The following DMXL1 variants were observed in gnomAD, a reference collection of about 807,000 sequenced individuals.
DMXL1 encodes dmX-like protein 1.
A neutral mutation model predicts 319.2 loss-of-function variants in DMXL1; 99 were observed. The ratio of observed to expected loss-of-function variants is 0.31; its 90% CI spans 0.26 to 0.37. DMXL1 has a LOEUF of 0.37. Among genes scored for constraint, DMXL1 ranks in the 10% least tolerant of loss-of-function variants. The probability of loss-of-function intolerance (pLI) is 1.00; values close to 1 mark genes in which losing one functional copy is unlikely to be tolerated. For missense variants in DMXL1, 3,745 were observed against 3,595.6 expected, an observed-to-expected ratio of 1.04 and a Z score of -1.06; for synonymous variants, 1,385 against 1,235.2, an observed-to-expected ratio of 1.12 and a Z score of -2.54.
In DMXL1 at chr5:119,129,329, AG is replaced by A; in HGVS notation, c.1222del (p.Val408PhefsTer19). The A allele has an allele frequency of 6.2e-7, 1 of 1,613,834 alleles. No individual in the cohort carries two copies. The highest frequency in any genetic ancestry group is 1.3e-5 in the African/African-American group (1 of 75,008). ...AACTGCATTTTACTTTGTCCATGGA[AG>A]TTTTTTTACAGCAACTTAGAAAAAG... ...KELHFTLSME[V>X]FLQQLRKSFE... On this transcript the variant is annotated frameshift_variant, in exon 10 of 44. Transcript: ENST00000539542. LOFTEE classifies it high-confidence loss of function.
chr5:119,097,866 G>C, intron 1 of DMXL1, 113 bp from the exon 2 acceptor site: 2 of 968,964 alleles, frequency 2.1e-6, no homozygotes, highest in Non-Finnish European at 2.9e-6. Flanking sequence ...CCTAAAATTG[G>C]TCTTTTAAAA....
chr5:119,156,914 T>G (rs958975730), intron 19 of DMXL1, among the ~76,000 whole-genome samples: 3 of 152,174 alleles, frequency 2.0e-5, no homozygotes, highest in African/African-American at 4.8e-5. Context: ...ATTTGCATTT[T>G]CCTGATGATT....
chr5:119,136,350 C>T (rs1327507263), intron 13 of DMXL1, among the ~76,000 whole-genome samples: 1 of 152,190 alleles, frequency 6.6e-6, no homozygotes. Context: ...TTTATGTTAA[C>T]TTACGTTTAA....
At chr5:119,211,420 T>C (rs1033690299) in intron 34 of DMXL1, among the ~76,000 whole-genome samples, 2 of 152,232 alleles carry the variant, frequency 1.3e-5, no homozygotes, top group African/African-American at 2.4e-5. Flanking sequence ...CAGGTTTATC[T>C]ATTTCTTAAG....
rs374491153 is a variant in DMXL1 at position 119,119,247 on chromosome 5, C to A, written c.933+243C>A. Among the ~76,000 whole-genome samples, 5 of 152,272 alleles carry A rather than the reference C, an allele frequency of 3.3e-5. No homozygotes were observed. In the East Asian group the frequency reaches 7.7e-4, roughly 23 times the overall value. On this transcript the variant is annotated intron_variant, in intron 8 of 43. Coordinates refer to ENST00000539542, the MANE Select transcript of DMXL1 (RefSeq NM_001290321.3). ...ATGATAAAAGGATGATTACATTTGA[C>A]TTGGCTGAAGTAACATGAAGTAAAA...
chr5:119,115,299 C>G (rs1760592421), intron 6 of DMXL1, among the ~76,000 whole-genome samples: 1 of 152,124 alleles, frequency 6.6e-6, no homozygotes, highest in Non-Finnish European at 1.5e-5. Flanking sequence ...GTGTATTAGG[C>G]TGTTTTTAAT....
At chr5:119,141,398 A>G (rs1469353991) in intron 13 of DMXL1, among the ~76,000 whole-genome samples, 1 of 152,232 alleles carries the variant, frequency 6.6e-6, no homozygotes, top group Non-Finnish European at 1.5e-5. Flanking sequence ...CAGCTTCAGT[A>G]AAGTTTCAGG....
chr5:119,110,405 AT>A (rs1759312159), intron 5 of DMXL1, 122 bp downstream of exon 5: 7 of 884,936 alleles, frequency 7.9e-6, no homozygotes, highest in African/African-American at 1.8e-5. Flanking sequence ...AGTCTATGAT[AT>A]GCTTTTTCTT....
At chr5:119,163,836 A>G (rs1027961009) in intron 19 of DMXL1, among the ~76,000 whole-genome samples, 2 of 152,064 alleles carry the variant, frequency 1.3e-5, no homozygotes, top group African/African-American at 4.8e-5. Context: ...CGGCCTCCCA[A>G]AGTGCTGGGA....
intron 1 of DMXL1, among the ~76,000 whole-genome samples, chr5:119,073,478 T>C (rs1377540944): frequency 6.6e-6 from 1 of 152,180 alleles, no homozygotes; most frequent in South Asian, 2.1e-4. Flanking sequence ...TATAAAACCT[T>C]GGTGAATGTC....
At chr5:119,150,448 A>AT in intron 18 of DMXL1, 27 bp downstream of exon 18, 1 of 1,549,650 alleles carries the variant, frequency 6.5e-7, no homozygotes, top group Non-Finnish European at 8.7e-7. Context: ...TACTGATAAC[A>AT]TTTTTACTTA....
At chr5:119,196,238 A>G (rs1779599712) in intron 30 of DMXL1, 133 bp from the exon 31 acceptor site, 1 of 682,624 alleles carries the variant, frequency 1.5e-6, no homozygotes. Context: ...CTCTATGCAT[A>G]TATTATTTTG....
chr5:119,196,403 T>C lies in DMXL1; in HGVS notation c.7490T>C (p.Leu2497Ser). 1.2e-6 allele frequency: 2 copies of C among 1,613,942 alleles called. No homozygotes were observed. Among genetic ancestry groups the C allele is most frequent in the Non-Finnish European group, 1.7e-6 (2 of 1,179,874 alleles). The change falls in exon 31 of 44, where the codon TTG becomes TCG. Residue 2497 changes from leucine (L) to serine (S), a missense_variant. Physicochemically the swap from Leu to Ser is moderately radical, Grantham distance 145. Around this residue, in one of 4 missense-constraint regions of DMXL1, gnomAD observed 1,382 missense variants for 1,269.5 expected, o/e 1.09. Transcript: ENST00000539542. ...WSLMRLAMVQ[L>S]VLNNLKTFYP... ...TTGATGCGGTTGGCGATGGTGCAAT[T>C]GGTGCTCAACAATTTGAAGACTTTT...
chr5:119,194,635 A>T (rs1465293551), intron 30 of DMXL1, among the ~76,000 whole-genome samples: 1 of 152,218 alleles, frequency 6.6e-6, no homozygotes, highest in Non-Finnish European at 1.5e-5. Context: ...GAAAGTTACC[A>T]TGAGATTTTT....
At chr5:119,214,534 C>G (rs767744555) in intron 34 of DMXL1, among the ~76,000 whole-genome samples, 1 of 152,202 alleles carries the variant, frequency 6.6e-6, no homozygotes, top group Non-Finnish European at 1.5e-5. Flanking sequence ...AACTGAACCT[C>G]TACCTTTATC....
At chr5:119,169,439 C>T (rs577863090) in intron 23 of DMXL1, among the ~76,000 whole-genome samples, 1 of 152,012 alleles carries the variant, frequency 6.6e-6, no homozygotes, top group Non-Finnish European at 1.5e-5. Context: ...AAAGGTAACT[C>T]CTGGCTTTTT....
intron 33 of DMXL1, among the ~76,000 whole-genome samples, chr5:119,204,069 G>C (rs1046848154): frequency 6.6e-6 from 1 of 151,986 alleles, no homozygotes. Flanking sequence ...TGATCCACCC[G>C]CCTCAGCCTC....
intron 9 of DMXL1, among the ~76,000 whole-genome samples, chr5:119,124,924 T>C (rs993561229): frequency 1.3e-5 from 2 of 152,208 alleles, no homozygotes; most frequent in African/African-American, 4.8e-5. Flanking sequence ...AAATTTGTTA[T>C]AAATTAAGAT....
At chr5:119,094,630 C>T (rs1755523058) in intron 1 of DMXL1, among the ~76,000 whole-genome samples, 1 of 152,108 alleles carries the variant, frequency 6.6e-6, no homozygotes, top group Non-Finnish European at 1.5e-5. Context: ...GCTATAGCTG[C>T]TATAGATAAT....
Sources: gnomAD v4.1 joint callset for allele counts (sites outside exome capture counted in the v4.1 genomes callset) on GRCh38, gnomAD v4.1.1 for gene constraint, gnomAD v4.1.1 regional missense constraint, MANE v1.5 for transcripts, NCBI Gene and HGNC (gene_info 2026-07-23, HGNC 2026-07-21) for gene names.